The following DKK3 variants were observed in gnomAD, a reference collection of about 807,000 sequenced individuals.
The protein encoded by DKK3 is dickkopf-related protein 3.
In DKK3, 22 loss-of-function variants were observed where a neutral mutation model predicts 33.2. The observed-to-expected ratio is 0.66, with a 90% CI of 0.47 to 0.95. The LOEUF (loss-of-function observed/expected upper bound fraction) is 0.95. Among genes scored for constraint, DKK3 ranks in the 40% least tolerant of loss-of-function variants. The pLI, the probability that DKK3 is intolerant of heterozygous loss-of-function variation, is 0.00. For synonymous variants in DKK3, 194 were observed against 188.8 expected, an observed-to-expected ratio of 1.03 and a Z score of -0.23; for missense variants, 398 against 458.4, an observed-to-expected ratio of 0.87 and a Z score of 1.20.
At chr11:11,993,419 C>T (rs1332974909) in intron 3 of DKK3, among the ~76,000 whole-genome samples, 1 of 151,834 alleles carries the variant, frequency 6.6e-6, no homozygotes, top group Non-Finnish European at 1.5e-5. Flanking sequence ...ACCTTTTATA[C>T]CATCTCCACA....
At chr11:11,998,361 G>T (rs1191266988) in intron 3 of DKK3, 2 of 409,362 alleles carry the variant, frequency 4.9e-6, no homozygotes, top group African/African-American at 2.0e-5. Context: ...AGGCTCTGGG[G>T]ATTTCACCAC....
upstream of DKK3, chr11:12,008,741 C>T (rs924991731): frequency 4.2e-6 from 5 of 1,193,636 alleles, no homozygotes; most frequent in African/African-American, 3.4e-5. The surrounding 1 kb of genome is among the most constrained non-coding windows in gnomAD (Gnocchi z 4.6). Flanking sequence ...CGGGAGGAAA[C>T]CGAGGCCCCT....
chr11:12,001,473 G>T (rs180689793), intron 2 of DKK3, among the ~76,000 whole-genome samples: 43 of 152,316 alleles, frequency 2.8e-4, no homozygotes, highest in African/African-American at 8.4e-4. Flanking sequence ...CTTTTGTGAA[G>T]CCGCTGTGCC....
At chr11:11,995,226 T>C (rs1848266639) in intron 3 of DKK3, among the ~76,000 whole-genome samples, 1 of 152,172 alleles carries the variant, frequency 6.6e-6, no homozygotes, top group Admixed American at 6.5e-5. Context: ...ACCACAGGCA[T>C]GTGCCACCAG....
chr11:11,992,028 T>A (rs1848198790), intron 3 of DKK3, among the ~76,000 whole-genome samples: 1 of 152,234 alleles, frequency 6.6e-6, no homozygotes, highest in Non-Finnish European at 1.5e-5. Flanking sequence ...TGTTAGAGAC[T>A]GTCTTTTACA....
intron 3 of DKK3, among the ~76,000 whole-genome samples, chr11:11,996,946 G>A (rs567178907): frequency 1.8e-4 from 27 of 152,356 alleles, no homozygotes; most frequent in Non-Finnish European, 3.4e-4. Flanking sequence ...GAAAAGTGAC[G>A]CACAGCACAA....
upstream of DKK3, chr11:12,008,669 C>T: frequency 8.1e-7 from 1 of 1,241,906 alleles, no homozygotes; most frequent in Non-Finnish European, 1.0e-6. The surrounding 1 kb of genome is among the most constrained non-coding windows in gnomAD (Gnocchi z 4.6). Context: ...GGCCCGCCGC[C>T]CCGCCCCGTT....
At position 11,968,319 on chromosome 11, in the gene DKK3, C is replaced by T. The variant is rs564892846; in HGVS notation, c.528+76G>A. ...CTCTTCTGGGAAGCCCAGCTGAGAA[C>T]GCTGGGGCCCCTGGCTTTCTCCCCC... On this transcript the variant is annotated intron_variant, in intron 4 of 6. Coordinates refer to ENST00000683431, the MANE Select transcript of DKK3 (RefSeq NM_001018057.2). 9.2e-5 allele frequency: 130 copies of T among 1,420,682 alleles called. No homozygotes were observed. The African/African-American group carries it at 1.5e-3, about 16-fold the overall frequency. The allele number at this position is 1,420,682 out of a possible 1,614,324, so 88.0% of individuals were successfully genotyped here.
At chr11:11,999,538 T>C (rs1382550912) in intron 2 of DKK3, among the ~76,000 whole-genome samples, 1 of 152,168 alleles carries the variant, frequency 6.6e-6, no homozygotes, top group East Asian at 1.9e-4. Flanking sequence ...GGCAGGAGAA[T>C]TGCTTGAACC....
At chr11:11,990,071 C>T (rs1405294804) in intron 3 of DKK3, among the ~76,000 whole-genome samples, 1 of 152,098 alleles carries the variant, frequency 6.6e-6, no homozygotes, top group Non-Finnish European at 1.5e-5. Context: ...TGGAATGATG[C>T]CAACAGGTAA....
intron 3 of DKK3, among the ~76,000 whole-genome samples, chr11:11,996,280 T>C (rs535807839): frequency 6.6e-6 from 1 of 152,374 alleles, no homozygotes; most frequent in Non-Finnish European, 1.5e-5. Context: ...CTGCATTCCC[T>C]TGATAGTAAA....
intron 3 of DKK3, among the ~76,000 whole-genome samples, chr11:11,974,819 G>A (rs781683226): frequency 7.9e-5 from 12 of 151,962 alleles, no homozygotes; most frequent in East Asian, 1.9e-4. Context: ...TGGGAGGATC[G>A]CTTGAGCCTG....
At chr11:11,992,678 A>C (rs1445673977) in intron 3 of DKK3, among the ~76,000 whole-genome samples, 1 of 152,178 alleles carries the variant, frequency 6.6e-6, no homozygotes, top group East Asian at 1.9e-4. Context: ...GGATAAGATA[A>C]ATTTGCAGAC....
chr11:11,981,689 C>T (rs561251699), intron 3 of DKK3, among the ~76,000 whole-genome samples: 18 of 152,228 alleles, frequency 1.2e-4, no homozygotes, highest in Non-Finnish European at 2.2e-4. Context: ...TCAGCAATCA[C>T]ACACAGCCGT....
intron 3 of DKK3, among the ~76,000 whole-genome samples, chr11:11,970,354 G>A (rs1389429376): frequency 6.6e-6 from 1 of 152,186 alleles, no homozygotes; most frequent in African/African-American, 2.4e-5. Flanking sequence ...ACAGAAATTT[G>A]CCTCTTCAAA....
At chr11:12,003,571 G>A (rs1401173879) in intron 1 of DKK3, among the ~76,000 whole-genome samples, 5 of 152,060 alleles carry the variant, frequency 3.3e-5, no homozygotes, top group Non-Finnish European at 5.9e-5. Flanking sequence ...AGTTGACAAT[G>A]TGACCTGTTC....
chr11:11,967,591 G>A (rs1847629067), intron 4 of DKK3, among the ~76,000 whole-genome samples: 1 of 152,276 alleles, frequency 6.6e-6, no homozygotes, highest in African/African-American at 2.4e-5. Flanking sequence ...ACGGTACCGA[G>A]TGGGGTTGGC....
chr11:11,976,697 G>A (rs1364705132), intron 3 of DKK3, among the ~76,000 whole-genome samples: 1 of 152,234 alleles, frequency 6.6e-6, no homozygotes, highest in Non-Finnish European at 1.5e-5. Context: ...TGCTGCAGGA[G>A]GGCAGGGTCC....
At position 12,008,407 on chromosome 11, in the gene DKK3, T is replaced by C; in HGVS notation, c.176A>G (p.Glu59Gly). 6.2e-7 allele frequency: 1 copy of C among 1,608,682 alleles called. No individual in the cohort carries two copies. The highest frequency in any genetic ancestry group is 2.2e-5 in the East Asian group (1 of 44,648). Reference protein sequence around the residue: ...EMFREVEELMEDTQHKLRSAV... With the variant: ...EMFREVEELMGDTQHKLRSAV... Reference sequence around the variant, plus strand: ...GCTGCGCAATTTGTGCTGCGTGTCCTCCATCAGTTCCTCAACCTCGCGGAA... The same window carrying C: ...GCTGCGCAATTTGTGCTGCGTGTCCCCCATCAGTTCCTCAACCTCGCGGAA... Residue 59 changes from glutamate (E) to glycine (G), a missense_variant, in exon 1 of 7, where the codon GAG becomes GGG. Physicochemically the swap from Glu to Gly is moderately conservative, Grantham distance 98. Coordinates refer to ENST00000683431, the MANE Select transcript of DKK3 (RefSeq NM_001018057.2). The surrounding 1 kb of genome is among the most constrained non-coding windows in gnomAD (Gnocchi z 4.6).
Sources: allele counts gnomAD v4.1 joint callset (sites outside exome capture counted in the v4.1 genomes callset), GRCh38; gene constraint gnomAD v4.1.1; non-coding constraint Gnocchi (gnomAD v3.1); transcripts MANE v1.5; gene names NCBI Gene and HGNC (gene_info 2026-07-23, HGNC 2026-07-21).